The following GRM7 variants were observed in gnomAD, a reference collection of about 807,000 sequenced individuals.
The protein encoded by GRM7 is metabotropic glutamate receptor 7.
In GRM7, 35 loss-of-function variants were observed where a neutral mutation model predicts 84.5. The observed-to-expected ratio is 0.41, with a 90% CI of 0.32 to 0.55. The LOEUF is 0.55. Ranked by LOEUF, GRM7 falls within the 20% of genes least tolerant of loss-of-function variation. The probability of loss-of-function intolerance (pLI) is 0.19; values close to 1 mark genes in which losing one functional copy is unlikely to be tolerated. For missense variants in GRM7, 1,003 were observed against 1,194.6 expected (o/e 0.84, Z 2.36); for synonymous variants, 487 against 455.1 (o/e 1.07, Z -0.89).
intron 7 of GRM7, among the ~76,000 whole-genome samples, chr3:7,570,943 C>T (rs193014800): frequency 6.6e-6 from 1 of 152,300 alleles, no homozygotes; most frequent in Admixed American, 6.5e-5. Context: ...GCTCAATACT[C>T]CATGGAAGCT....
rs1055795091 is a variant in GRM7, at chr3:7,741,316, A to G, written c.*910A>G. 6.6e-6 allele frequency: 1 copy of G among 152,562 alleles called. No homozygotes were observed. Among genetic ancestry groups the G allele is most frequent in the Non-Finnish European group, 1.5e-5 (1 of 68,036 alleles). 9.5% of individuals were successfully genotyped at this position (152,562 alleles called of 1,614,324 possible). ...TTTTTCATGTCTTGAGGTTTTGTTC[A>G]TGCCCCCTTTGACTGATCAGTGTGA... On this transcript the variant is annotated 3_prime_UTR_variant, in exon 10 of 10. Coordinates refer to ENST00000357716, the MANE Select transcript of GRM7 (RefSeq NM_000844.4).
chr3:7,239,036 G>A (rs1697454554), intron 2 of GRM7, among the ~76,000 whole-genome samples: 1 of 126,050 alleles, frequency 7.9e-6, no homozygotes, highest in Non-Finnish European at 1.6e-5. Flanking sequence ...CTGTAATGCA[G>A]GCTGGAGAAC....
chr3:7,322,112 A>G (rs1700805169), intron 4 of GRM7, among the ~76,000 whole-genome samples: 1 of 152,134 alleles, frequency 6.6e-6, no homozygotes, highest in African/African-American at 2.4e-5. Flanking sequence ...CTTCATGAAT[A>G]GAGTTGTTGG....
chr3:7,142,976 T>G (rs1276875631), intron 1 of GRM7, among the ~76,000 whole-genome samples: 1 of 152,110 alleles, frequency 6.6e-6, no homozygotes, highest in African/African-American at 2.4e-5. Flanking sequence ...GTTTTCTAAG[T>G]TCAAGAAAAA....
chr3:7,077,563 G>T (rs1048158961), intron 1 of GRM7, among the ~76,000 whole-genome samples: 2 of 147,878 alleles, frequency 1.4e-5, no homozygotes, highest in Admixed American at 1.4e-4. Flanking sequence ...CACACACTGG[G>T]GCCTGTCGGG....
intron 1 of GRM7, among the ~76,000 whole-genome samples, chr3:7,013,640 G>C (rs766451408): frequency 1.3e-5 from 2 of 152,006 alleles, no homozygotes; most frequent in Non-Finnish European, 2.9e-5. Context: ...AAATAAACTA[G>C]CGTGGTGGTG....
chr3:7,113,656 T>C (rs1334579492), intron 1 of GRM7, among the ~76,000 whole-genome samples: 5 of 152,158 alleles, frequency 3.3e-5, no homozygotes, highest in Admixed American at 6.5e-5. Flanking sequence ...GTGTTTTTTA[T>C]TTTTGTATTT....
intron 4 of GRM7, among the ~76,000 whole-genome samples, chr3:7,374,644 AT>A (rs569869343): frequency 0.065 from 8,563 of 130,958 alleles, 455 homozygotes; most frequent in East Asian, 0.17. Context: ...ATACCTGGCC[AT>A]TTTTTTTTTT....
At chr3:6,876,383 C>T (rs530854478) in intron 1 of GRM7, among the ~76,000 whole-genome samples, 1 of 152,070 alleles carries the variant, frequency 6.6e-6, no homozygotes, top group African/African-American at 2.4e-5. Flanking sequence ...GCCTTGAGTG[C>T]TTGCTGGGTG....
At chr3:7,484,141 A>G (rs1699235517) in intron 7 of GRM7, among the ~76,000 whole-genome samples, 1 of 152,244 alleles carries the variant, frequency 6.6e-6, no homozygotes, top group African/African-American at 2.4e-5. Flanking sequence ...ATCTGTAAAT[A>G]TAAAATAAAG....
At chr3:7,155,400 A>C (rs1476822424) in intron 2 of GRM7, among the ~76,000 whole-genome samples, 1 of 151,990 alleles carries the variant, frequency 6.6e-6, no homozygotes, top group Non-Finnish European at 1.5e-5. Context: ...CCTGGAATAC[A>C]CAAGTAAAAA....
At chr3:6,929,931 A>C (rs1394631227) in intron 1 of GRM7, among the ~76,000 whole-genome samples, 2 of 152,186 alleles carry the variant, frequency 1.3e-5, no homozygotes, top group Non-Finnish European at 2.9e-5. Flanking sequence ...TCAATACCTC[A>C]TACAAATTTT....
chr3:7,089,844 A>G (rs570034872), intron 1 of GRM7, among the ~76,000 whole-genome samples: 2 of 152,192 alleles, frequency 1.3e-5, no homozygotes, highest in African/African-American at 4.8e-5. Context: ...TTAAATTATT[A>G]TTATTATTGT....
chr3:7,611,394 T>C (rs1029839377), intron 8 of GRM7, among the ~76,000 whole-genome samples: 1 of 152,180 alleles, frequency 6.6e-6, no homozygotes, highest in Non-Finnish European at 1.5e-5. Flanking sequence ...AGACTCCTTA[T>C]GAAACAAGAA....
chr3:7,134,264 C>T (rs942798030), intron 1 of GRM7, among the ~76,000 whole-genome samples: 2 of 152,016 alleles, frequency 1.3e-5, no homozygotes, highest in African/African-American at 2.4e-5. Context: ...AACCATAAGA[C>T]AAAATTTGCA....
intron 7 of GRM7, among the ~76,000 whole-genome samples, chr3:7,574,976 C>T (rs1575512691): frequency 1.3e-5 from 2 of 152,134 alleles, no homozygotes; most frequent in South Asian, 4.1e-4. Flanking sequence ...ATGGCATATT[C>T]GTTCTTTGTT....
intron 1 of GRM7, among the ~76,000 whole-genome samples, chr3:7,028,533 T>A (rs1201793597): frequency 6.6e-6 from 1 of 152,178 alleles, no homozygotes; most frequent in Non-Finnish European, 1.5e-5. Context: ...AGATTTATCC[T>A]CTTGCCTAAA....
At chr3:7,675,573 A>G (rs1700087380) in intron 8 of GRM7, among the ~76,000 whole-genome samples, 3 of 152,252 alleles carry the variant, frequency 2.0e-5, no homozygotes, top group East Asian at 1.9e-4. Flanking sequence ...CAAGATGAGA[A>G]AATGGCATGG....
intron 8 of GRM7, among the ~76,000 whole-genome samples, chr3:7,618,741 C>G (rs904952583): frequency 1.4e-4 from 22 of 152,120 alleles, no homozygotes; most frequent in African/African-American, 7.2e-5. Context: ...ATTGCTCAAT[C>G]TGCTCACTCC....
Sources: gnomAD v4.1 joint callset for allele counts (sites outside exome capture counted in the v4.1 genomes callset) on GRCh38, gnomAD v4.1.1 for gene constraint, MANE v1.5 for transcripts, NCBI Gene and HGNC (gene_info 2026-07-23, HGNC 2026-07-21) for gene names.